LHFPL3: variants seen among roughly 807,000 people sequenced by gnomAD.
LHFPL3 encodes the protein LHFPL tetraspan subfamily member 3 protein.
A neutral mutation model predicts 19.3 loss-of-function variants in LHFPL3; 5 were observed. The ratio of observed to expected loss-of-function variants is 0.26; its 90% CI spans 0.14 to 0.54. LHFPL3 has a LOEUF of 0.54. Among genes scored for constraint, LHFPL3 ranks in the 20% least tolerant of loss-of-function variants. The probability of loss-of-function intolerance (pLI) is 0.94; values close to 1 mark genes in which losing one functional copy is unlikely to be tolerated. For missense variants in LHFPL3, 249 were observed against 307.4 expected (o/e 0.81, Z 1.42); for synonymous variants, 133 against 126.2 (o/e 1.05, Z -0.36).
At chr7:104,835,707 C>T (rs960980417) in intron 2 of LHFPL3, among the ~76,000 whole-genome samples, 1 of 151,678 alleles carries the variant, frequency 6.6e-6, no homozygotes, top group African/African-American at 2.4e-5. Context: ...AAATGGCTCA[C>T]TTCACATGAT....
rs192762620 is a variant in LHFPL3, at chr7:104,547,465, T to C, written c.446-189210T>C. Among the ~76,000 whole-genome samples the C allele has an allele frequency of 2.4e-3, 372 of 152,230 alleles. 5 individuals carry two copies. Among genetic ancestry groups the C allele is most frequent in the Admixed American group, 1.8e-3 (27 of 15,280 alleles). On this transcript the variant is annotated intron_variant, in intron 1 of 2. Transcript: ENST00000424859. ...TCTGGGCTTGGGACCACGAGAATTA[T>C]AGAGTATGAGTAATCAATAGTGATG...
intron 1 of LHFPL3, among the ~76,000 whole-genome samples, chr7:104,491,052 A>G (rs1793335975): frequency 6.6e-6 from 1 of 152,158 alleles, no homozygotes; most frequent in African/African-American, 2.4e-5. Flanking sequence ...GTTTACTCCT[A>G]GAAGATCCTG....
chr7:104,544,703 G>T (rs1182821063), intron 1 of LHFPL3, among the ~76,000 whole-genome samples: 1 of 152,076 alleles, frequency 6.6e-6, no homozygotes, highest in African/African-American at 2.4e-5. Flanking sequence ...CTATATATCT[G>T]CAAAGATGAT....
At chr7:104,549,448 AACACACACACACACACACACACAC>A (rs61148155) in intron 1 of LHFPL3, among the ~76,000 whole-genome samples, 1 of 140,238 alleles carries the variant, frequency 7.1e-6, no homozygotes, top group Non-Finnish European at 1.6e-5. Context: ...CCCTTAACCC[AACACACACACACACACACACACAC>A]ACACACACAC....
chr7:104,727,077 G>GAT (rs1291186252), intron 1 of LHFPL3, among the ~76,000 whole-genome samples: 5 of 152,170 alleles, frequency 3.3e-5, no homozygotes, highest in Non-Finnish European at 7.3e-5. Context: ...TTTCTCTAAT[G>GAT]ATCAGTGATG....
intron 1 of LHFPL3, among the ~76,000 whole-genome samples, chr7:104,435,414 C>G (rs955477837): frequency 2.0e-5 from 3 of 151,852 alleles, no homozygotes; most frequent in African/African-American, 7.2e-5. Flanking sequence ...GAATTACAAA[C>G]ATGAGTCATC....
At chr7:104,757,865 G>A (rs1198026261) in intron 2 of LHFPL3, 1 of 152,130 alleles carries the variant, frequency 6.6e-6, no homozygotes, top group Non-Finnish European at 1.5e-5. Flanking sequence ...GATACCCAGA[G>A]GAAAATAAAT....
intron 1 of LHFPL3, among the ~76,000 whole-genome samples, chr7:104,558,158 T>G (rs1789893747): frequency 6.6e-6 from 1 of 151,402 alleles, no homozygotes; most frequent in African/African-American, 2.4e-5. Flanking sequence ...TGTGTCTTTA[T>G]AGCAGCATGA....
At chr7:104,686,535 C>A (rs1792809405) in intron 1 of LHFPL3, among the ~76,000 whole-genome samples, 1 of 152,152 alleles carries the variant, frequency 6.6e-6, no homozygotes, top group Non-Finnish European at 1.5e-5. Context: ...GTTGTCCCCA[C>A]ACACCAAGTA....
At chr7:104,329,253 G>A (rs1325928040) in intron 1 of LHFPL3, 29 bp downstream of exon 1, 9 of 1,566,324 alleles carry the variant, frequency 5.7e-6, no homozygotes, top group Non-Finnish European at 7.8e-6. Flanking sequence ...CCGCGGAGGC[G>A]GAGGACCCCG....
At chr7:104,691,329 C>T (rs1322457502) in intron 1 of LHFPL3, among the ~76,000 whole-genome samples, 2 of 152,190 alleles carry the variant, frequency 1.3e-5, no homozygotes, top group African/African-American at 4.8e-5. Flanking sequence ...GCCTTCTCTC[C>T]CCTAGCCTGT....
chr7:104,339,152 A>G (rs1789898840), intron 1 of LHFPL3, among the ~76,000 whole-genome samples: 2 of 152,066 alleles, frequency 1.3e-5, no homozygotes, highest in African/African-American at 4.8e-5. Flanking sequence ...GGAGGCCGAG[A>G]TAGGAGAATC....
At chr7:104,342,704 T>C (rs1330421903) in intron 1 of LHFPL3, among the ~76,000 whole-genome samples, 1 of 152,210 alleles carries the variant, frequency 6.6e-6, no homozygotes, top group African/African-American at 2.4e-5. Flanking sequence ...TTCCGTCTTA[T>C]ACTCAGAGAG....
chr7:104,387,827 G>A (rs1303696024), intron 1 of LHFPL3, among the ~76,000 whole-genome samples: 1 of 152,170 alleles, frequency 6.6e-6, no homozygotes, highest in Admixed American at 6.5e-5. Flanking sequence ...GGGTACATGT[G>A]CAGGTTTGCC....
At chr7:104,392,944 A>G (rs569694824) in intron 1 of LHFPL3, among the ~76,000 whole-genome samples, 181 of 152,248 alleles carry the variant, frequency 1.2e-3, no homozygotes, top group Non-Finnish European at 2.1e-3. Flanking sequence ...GAATTTATCC[A>G]TTTCTTCTAG....
rs1018232981 is a variant in LHFPL3, at chr7:104,807,025, G to A, written c.682+70114G>A. On this transcript the variant is annotated intron_variant, in intron 2 of 2. Transcript: ENST00000424859. ...CCAAAATATATATGTGTGTGTGTGT[G>A]TGTGTGTGTGTGTGTGTGTGTGTGT... Among the ~76,000 whole-genome samples, 25 of 125,544 alleles carry A rather than the reference G, an allele frequency of 2.0e-4. 1 individual carries two copies. The highest frequency in any genetic ancestry group is 4.7e-4 in the African/African-American group (18 of 38,488). 82.4% of individuals were successfully genotyped at this position (125,544 alleles called of 152,430 possible).
At chr7:104,757,328 A>T (rs990082042) in intron 2 of LHFPL3, among the ~76,000 whole-genome samples, 2 of 152,198 alleles carry the variant, frequency 1.3e-5, no homozygotes, top group African/African-American at 4.8e-5. Context: ...CTCAAAAGCA[A>T]TTGCAACAAA....
intron 1 of LHFPL3, among the ~76,000 whole-genome samples, chr7:104,568,145 C>G (rs901059050): frequency 6.6e-6 from 1 of 152,162 alleles, no homozygotes; most frequent in Non-Finnish European, 1.5e-5. Flanking sequence ...GGATTCTTAA[C>G]AGATTTGTAC....
At chr7:104,739,133 A>T (rs1241883758) in intron 2 of LHFPL3, 1 of 152,100 alleles carries the variant, frequency 6.6e-6, no homozygotes, top group African/African-American at 2.4e-5. Flanking sequence ...TGTAGGGAAT[A>T]TCAGACCCTC....
Sources: gnomAD v4.1 joint callset for allele counts (sites outside exome capture counted in the v4.1 genomes callset) on GRCh38, gnomAD v4.1.1 for gene constraint, MANE v1.5 for transcripts, NCBI Gene and HGNC (gene_info 2026-07-23, HGNC 2026-07-21) for gene names.